Variants in ZMYM4 observed in about 807,000 individuals in gnomAD.
ZMYM4 encodes zinc finger MYM-type protein 4.
Under a neutral mutation model 183.2 loss-of-function variants are expected in ZMYM4, and 31 were observed. The observed-to-expected ratio is 0.17, with a 90% CI of 0.13 to 0.23. The LOEUF is 0.23. Ranked by LOEUF, ZMYM4 falls within the 10% of genes least tolerant of loss-of-function variation. The pLI is 1.00. For synonymous variants in ZMYM4, 592 were observed against 631.2 expected (o/e 0.94, Z 0.93); for missense variants, 1,273 against 1,840.3 (o/e 0.69, Z 5.64).
chr1:35,295,290 A>G (rs555325955), intron 1 of ZMYM4, among the ~76,000 whole-genome samples: 3 of 152,328 alleles, frequency 2.0e-5, no homozygotes, highest in Non-Finnish European at 4.4e-5. Context: ...TCATATGGGT[A>G]TCTGATAGGA....
At chr1:35,388,770 T>G in intron 13 of ZMYM4, 140 bp from the exon 14 acceptor site, 1 of 702,118 alleles carries the variant, frequency 1.4e-6, no homozygotes, top group Non-Finnish European at 2.4e-6. Flanking sequence ...ACTCCTGGGC[T>G]CAAGCACTCC....
intron 2 of ZMYM4, among the ~76,000 whole-genome samples, chr1:35,337,802 G>A (rs1295015557): frequency 6.6e-6 from 1 of 152,126 alleles, no homozygotes; most frequent in Non-Finnish European, 1.5e-5. Flanking sequence ...AGCTGGGCGT[G>A]GTGGCAGGCA....
At chr1:35,293,609 G>A (rs962137881) in intron 1 of ZMYM4, among the ~76,000 whole-genome samples, 2 of 152,092 alleles carry the variant, frequency 1.3e-5, no homozygotes, top group Admixed American at 6.5e-5. Context: ...GAGCTCCTGC[G>A]CCCGGCTGTG....
chr1:35,316,203 T>G (rs1475062754), intron 1 of ZMYM4, among the ~76,000 whole-genome samples: 8 of 152,150 alleles, frequency 5.3e-5, no homozygotes, highest in Non-Finnish European at 1.2e-4. Flanking sequence ...GGAGTGAAGT[T>G]TCTCCCTTAA....
intron 1 of ZMYM4, among the ~76,000 whole-genome samples, chr1:35,323,882 C>G (rs890080031): frequency 6.6e-6 from 1 of 151,988 alleles, no homozygotes; most frequent in Non-Finnish European, 1.5e-5. Context: ...TTCCCATTTC[C>G]CTTTCATTCT....
intron 2 of ZMYM4, chr1:35,350,917 C>T: frequency 1.6e-6 from 1 of 644,862 alleles, no homozygotes; most frequent in Non-Finnish European, 2.8e-6. Context: ...ATTGCTTATG[C>T]CCTTATAGAG....
Position 35,359,049 on chromosome 1 carries a change from T to C in ZMYM4, c.210T>C (p.Asp70=). Residue 70 remains aspartate (D), a synonymous_variant, in exon 3 of 30, where the codon GAT becomes GAC. Coordinates refer to ENST00000314607, the MANE Select transcript of ZMYM4 (RefSeq NM_005095.3). ...CTGAAAATTCATTGCTGGATGAAGA[T>C]GATTATTTTTTGAACTCTGGGGATC... ...TGSENSLLDE[D]DYFLNSGDLA... The C allele has an allele frequency of 6.2e-7, 1 of 1,613,822 alleles. No homozygotes were observed. The highest frequency in any genetic ancestry group is 8.5e-7 in the Non-Finnish European group (1 of 1,179,756).
chr1:35,346,422 A>G (rs1343476560), intron 2 of ZMYM4, among the ~76,000 whole-genome samples: 1 of 152,140 alleles, frequency 6.6e-6, no homozygotes, highest in Non-Finnish European at 1.5e-5. Flanking sequence ...AGGCTGAGGC[A>G]GGTAGATCAC....
chr1:35,281,312 A>T (rs552943365), intron 1 of ZMYM4, among the ~76,000 whole-genome samples: 1 of 152,162 alleles, frequency 6.6e-6, no homozygotes, highest in East Asian at 1.9e-4. Context: ...CCTTAAGTTT[A>T]AAAAAATGTG....
At chr1:35,355,200 C>CTTTTTTTTTTTTTTTTTTTTTTT in intron 2 of ZMYM4, among the ~76,000 whole-genome samples, 1 of 77,198 alleles carries the variant, frequency 1.3e-5, no homozygotes, top group East Asian at 3.2e-4. Context: ...CGCCTGGCTT[C>CTTTTTTTTTTTTTTTTTTTTTTT]TTTTTTTTTT....
intron 25 of ZMYM4, 73 bp downstream of exon 25, chr1:35,405,541 T>G (rs769726268): frequency 5.6e-6 from 6 of 1,077,540 alleles, no homozygotes; most frequent in Non-Finnish European, 7.8e-6. Flanking sequence ...GTAAATTGAA[T>G]ATTTAAAATT....
Position 35,361,253 on chromosome 1 carries a change from A to G in ZMYM4, c.667A>G (p.Arg223Gly). 1 of 1,604,670 alleles carries G rather than the reference A, an allele frequency of 6.2e-7. No homozygotes were observed. Among genetic ancestry groups the G allele is most frequent in the East Asian group, 2.2e-5 (1 of 44,632 alleles). ...HLPQTPETNF[R>G]DSSYPFANKE... ...ACCACAAACCCCAGAAACAAACTTT[A>G]GGGTAAGTTTTCAGTGTGTATGTAG... The change falls in exon 4 of 30, where the codon AGG (arginine) becomes GGG (glycine). Residue 223 changes from arginine (R) to glycine (G), a missense_variant and splice_region_variant. Transcript: ENST00000314607.
chr1:35,374,311 G>A (rs1405651495), intron 7 of ZMYM4, among the ~76,000 whole-genome samples: 1 of 151,990 alleles, frequency 6.6e-6, no homozygotes, highest in Non-Finnish European at 1.5e-5. Flanking sequence ...TGGGATTACA[G>A]GCATGAGCCA....
intron 9 of ZMYM4, among the ~76,000 whole-genome samples, chr1:35,384,108 C>T (rs1368783180): frequency 2.0e-5 from 3 of 152,006 alleles, no homozygotes; most frequent in Non-Finnish European, 4.4e-5. Flanking sequence ...AAAGATAAGA[C>T]GTATAAATGA....
At chr1:35,371,061 C>CTG (rs1644198097) in intron 7 of ZMYM4, among the ~76,000 whole-genome samples, 5 of 121,264 alleles carry the variant, frequency 4.1e-5, no homozygotes, top group Admixed American at 1.8e-4. Context: ...AAATGGCTTC[C>CTG]AGTGTGTGTG....
At chr1:35,327,367 AATTG>A (rs1254717609) in intron 2 of ZMYM4, among the ~76,000 whole-genome samples, 1 of 152,256 alleles carries the variant, frequency 6.6e-6, no homozygotes, top group Non-Finnish European at 1.5e-5. Flanking sequence ...CCAAGAATAG[AATTG>A]ATTAATTATC....
chr1:35,326,476 A>G (rs943347459), intron 2 of ZMYM4, among the ~76,000 whole-genome samples: 6 of 152,216 alleles, frequency 3.9e-5, no homozygotes, highest in Admixed American at 6.5e-5. Flanking sequence ...AATAATAAAC[A>G]TGATGGGCTC....
At chr1:35,377,529 G>A (rs1459566116) in intron 7 of ZMYM4, among the ~76,000 whole-genome samples, 1 of 152,066 alleles carries the variant, frequency 6.6e-6, no homozygotes. Context: ...CCTCAATAAA[G>A]CAATTAGCTC....
intron 25 of ZMYM4, among the ~76,000 whole-genome samples, chr1:35,406,454 G>C (rs914609775): frequency 2.6e-5 from 4 of 152,108 alleles, no homozygotes; most frequent in African/African-American, 9.7e-5. Flanking sequence ...CAAGAGTTCT[G>C]AGGCTGCAGT....
Sources: allele counts gnomAD v4.1 joint callset (sites outside exome capture counted in the v4.1 genomes callset), GRCh38; gene constraint gnomAD v4.1.1; transcripts MANE v1.5; gene names NCBI Gene and HGNC (gene_info 2026-07-23, HGNC 2026-07-21).